SLC8A3: variants seen among roughly 807,000 people sequenced by gnomAD.
SLC8A3 encodes the protein solute carrier family 8 member A3.
In SLC8A3, 37 loss-of-function variants were observed where a neutral mutation model predicts 65.4. The ratio of observed to expected loss-of-function variants is 0.57; its 90% CI spans 0.44 to 0.74. SLC8A3 has a LOEUF of 0.74. SLC8A3 is among the 30% of genes least tolerant of loss of function. SLC8A3 has a pLI of 0.00. For synonymous variants in SLC8A3, 461 were observed against 444.5 expected (o/e 1.04, Z -0.47); for missense variants, 1,112 against 1,172.1 (o/e 0.95, Z 0.75).
At chr14:70,065,976 C>T (rs908668981) in intron 2 of SLC8A3, among the ~76,000 whole-genome samples, 1 of 152,222 alleles carries the variant, frequency 6.6e-6, no homozygotes, top group African/African-American at 2.4e-5. Flanking sequence ...CCCCCATCAG[C>T]AACAAGCTCT....
chr14:70,086,336 T>C (rs1029084866), intron 2 of SLC8A3, among the ~76,000 whole-genome samples: 3 of 151,998 alleles, frequency 2.0e-5, no homozygotes, highest in African/African-American at 7.3e-5. Flanking sequence ...CCCAAAGCCT[T>C]CCTTTGTTTA....
intron 3 of SLC8A3, among the ~76,000 whole-genome samples, chr14:70,054,514 G>C (rs549944520): frequency 5.9e-5 from 9 of 151,804 alleles, no homozygotes; most frequent in Admixed American, 3.3e-4. Context: ...TTTATGTGAG[G>C]GGGGGCGGGT....
chr14:70,134,109 C>T (rs1173866515), intron 2 of SLC8A3, among the ~76,000 whole-genome samples: 4 of 152,150 alleles, frequency 2.6e-5, no homozygotes, highest in Non-Finnish European at 4.4e-5. Context: ...CACAGCCAGT[C>T]GGAGGAAAGA....
At chr14:70,189,079 G>A (rs1288772170), upstream of SLC8A3, 1 of 152,174 alleles carries the variant, frequency 6.6e-6, no homozygotes, top group Non-Finnish European at 1.5e-5. Context: ...CGCACTGACT[G>A]ACAAGCCGCG....
intron 2 of SLC8A3, among the ~76,000 whole-genome samples, chr14:70,081,253 AT>A (rs1594952368): frequency 1.3e-5 from 2 of 152,338 alleles, no homozygotes. Context: ...AACATCTGGT[AT>A]AATTGTAAAA....
In SLC8A3 at chr14:70,046,477, G is replaced by C; in HGVS notation, c.2390-154C>G. ...GCCACTCCTAACTCCTAGTTCTGCC[G>C]CAAGCAAGCCGTGTGGCCCTGGGTA... is the stretch of plus-strand genomic sequence containing the variant. On this transcript the variant is annotated intron_variant, in intron 6 of 6. Coordinates refer to ENST00000356921, the MANE Select transcript of SLC8A3 (RefSeq NM_182932.3). The surrounding 1 kb of genome is among the most constrained non-coding windows in gnomAD (Gnocchi z 4.2). The C allele has an allele frequency of 2.8e-6, 2 of 706,974 alleles. No individual in the cohort carries two copies. The highest frequency in any genetic ancestry group is 2.9e-5 in the Admixed American group (1 of 34,090). 43.8% of individuals were successfully genotyped at this position (706,974 alleles called of 1,614,324 possible).
chr14:70,127,361 C>T (rs1894534984), intron 2 of SLC8A3, among the ~76,000 whole-genome samples: 3 of 151,824 alleles, frequency 2.0e-5, no homozygotes, highest in Admixed American at 2.0e-4. Context: ...ACTTTTTGAC[C>T]CCGCCCAGGT....
At chr14:70,100,517 G>T (rs1232791914) in intron 2 of SLC8A3, among the ~76,000 whole-genome samples, 1 of 152,220 alleles carries the variant, frequency 6.6e-6, no homozygotes, top group Non-Finnish European at 1.5e-5. Flanking sequence ...AGCAACTTTA[G>T]ATTTTAACAG....
intron 2 of SLC8A3, among the ~76,000 whole-genome samples, chr14:70,159,039 T>C (rs914473504): frequency 7.9e-5 from 12 of 152,260 alleles, no homozygotes; most frequent in Non-Finnish European, 2.9e-5. Context: ...CAATTATATG[T>C]CACTGGCTCT....
intron 1 of SLC8A3, among the ~76,000 whole-genome samples, chr14:70,184,303 A>G (rs556625781): frequency 6.6e-6 from 1 of 152,144 alleles, no homozygotes; most frequent in Non-Finnish European, 1.5e-5. Flanking sequence ...CTTTCAAATC[A>G]GTAGTCAACA....
At chr14:70,055,751 C>A in intron 3 of SLC8A3, 1 of 1,570,694 alleles carries the variant, frequency 6.4e-7, no homozygotes. Context: ...AATAATGGCA[C>A]TGGCAAGAAG....
chr14:70,146,575 C>A (rs953158878), intron 2 of SLC8A3, among the ~76,000 whole-genome samples: 17 of 151,976 alleles, frequency 1.1e-4, no homozygotes, highest in Non-Finnish European at 2.9e-5. Context: ...AAAAAATAAC[C>A]CTGCCTGGTA....
chr14:70,086,352 C>T (rs1433302820), intron 2 of SLC8A3, among the ~76,000 whole-genome samples: 2 of 150,550 alleles, frequency 1.3e-5, no homozygotes, highest in Non-Finnish European at 3.0e-5. Context: ...GTTTAAAAAA[C>T]AATTTTTTTA....
intron 2 of SLC8A3, among the ~76,000 whole-genome samples, chr14:70,119,704 C>T (rs1208246046): frequency 2.0e-5 from 3 of 152,240 alleles, no homozygotes; most frequent in African/African-American, 7.2e-5. Flanking sequence ...ACTTATGCAA[C>T]TTTGCATTAG....
intron 2 of SLC8A3, among the ~76,000 whole-genome samples, chr14:70,070,213 G>C (rs1373112280): frequency 6.6e-6 from 1 of 152,186 alleles, no homozygotes; most frequent in Non-Finnish European, 1.5e-5. Flanking sequence ...TAGTTACATA[G>C]TGCTTATTTT....
chr14:70,060,181 C>T (rs1237506008), intron 3 of SLC8A3: 1 of 156,222 alleles, frequency 6.4e-6, no homozygotes, highest in Non-Finnish European at 1.4e-5. Flanking sequence ...CCAGAAAATA[C>T]ACTTACCTCC....
At chr14:70,135,750 G>A (rs1381641288) in intron 2 of SLC8A3, among the ~76,000 whole-genome samples, 1 of 152,100 alleles carries the variant, frequency 6.6e-6, no homozygotes, top group Non-Finnish European at 1.5e-5. Context: ...GCTGGTAAGG[G>A]AAGTGGGAAG....
rs1325217214 is a variant in SLC8A3, at chr14:70,046,484, A to G, written c.2390-161T>C. The G allele has an allele frequency of 4.5e-6, 3 of 672,910 alleles. No homozygotes were observed. Among genetic ancestry groups the G allele is most frequent in the Non-Finnish European group, 7.4e-6 (3 of 406,142 alleles). The allele number at this position is 672,910 out of a possible 1,614,324, so 41.7% of individuals were successfully genotyped here. On this transcript the variant is annotated intron_variant, in intron 6 of 6. Coordinates refer to ENST00000356921, the MANE Select transcript of SLC8A3 (RefSeq NM_182932.3). This position sits in a 1 kb window ranked among gnomAD's most constrained non-coding sequence, Gnocchi z 4.2. Reference sequence around the variant, plus strand: ...CTAACTCCTAGTTCTGCCGCAAGCAAGCCGTGTGGCCCTGGGTAGGTCACA... The same window carrying G: ...CTAACTCCTAGTTCTGCCGCAAGCAGGCCGTGTGGCCCTGGGTAGGTCACA...
intron 6 of SLC8A3, chr14:70,047,946 C>T (rs28710300): frequency 0.13 from 20,101 of 152,226 alleles, 1,448 homozygotes; most frequent in East Asian, 0.39. Flanking sequence ...ACTTTAATTA[C>T]AGTAGTTGAG....
Sources: gnomAD v4.1 joint callset for allele counts (sites outside exome capture counted in the v4.1 genomes callset) on GRCh38, gnomAD v4.1.1 for gene constraint, Gnocchi (gnomAD v3.1) non-coding constraint, MANE v1.5 for transcripts, NCBI Gene and HGNC (gene_info 2026-07-23, HGNC 2026-07-21) for gene names.